SEMA3E: variants seen among roughly 807,000 people sequenced by gnomAD.
SEMA3E encodes semaphorin-3E.
A neutral mutation model predicts 93.6 loss-of-function variants in SEMA3E; 49 were observed. That is an observed-to-expected ratio of 0.52 (90% CI 0.42 to 0.66). The LOEUF is 0.66. Ranked by LOEUF, SEMA3E falls within the 30% of genes least tolerant of loss-of-function variation. The probability of loss-of-function intolerance (pLI) is 0.00; values close to 1 mark genes in which losing one functional copy is unlikely to be tolerated. For synonymous variants in SEMA3E, 363 were observed against 330.7 expected (o/e 1.10, Z -1.06); for missense variants, 906 against 964.8 (o/e 0.94, Z 0.81).
chr7:83,463,253 C>T (rs149346774), intron 4 of SEMA3E, among the ~76,000 whole-genome samples: 1 of 151,880 alleles, frequency 6.6e-6, no homozygotes, highest in Non-Finnish European at 1.5e-5. Flanking sequence ...ACCCTGTAGC[C>T]TTTATGTCCA....
chr7:83,520,973 A>G (rs1297345127), intron 1 of SEMA3E, among the ~76,000 whole-genome samples: 1 of 152,180 alleles, frequency 6.6e-6, no homozygotes, highest in African/African-American at 2.4e-5. Flanking sequence ...GGTGACTGAG[A>G]TGTCAGCCAC....
intron 1 of SEMA3E, among the ~76,000 whole-genome samples, chr7:83,535,436 C>G (rs1470807863): frequency 6.6e-6 from 1 of 150,526 alleles, no homozygotes; most frequent in Non-Finnish European, 1.5e-5. Flanking sequence ...TTCATTCATT[C>G]ACTAAGGAGA....
intron 2 of SEMA3E, among the ~76,000 whole-genome samples, chr7:83,479,648 A>G (rs899355809): frequency 2.0e-5 from 3 of 152,194 alleles, no homozygotes; most frequent in East Asian, 3.8e-4. Context: ...CACAAAAGCT[A>G]AGAGAAAGAT....
chr7:83,546,777 G>A lies in SEMA3E; in HGVS notation c.116-56503C>T, dbSNP rs1032841236. Among the ~76,000 whole-genome samples, 9 of 152,008 alleles carry A rather than the reference G, an allele frequency of 5.9e-5. 1 individual carries two copies. Among genetic ancestry groups the A allele is most frequent in the East Asian group, 3.9e-4 (2 of 5,192 alleles). On this transcript the variant is annotated intron_variant, in intron 1 of 16. Coordinates refer to ENST00000643230, the MANE Select transcript of SEMA3E (RefSeq NM_012431.3). ...ATTAATGATGAGTAACACAGTGCAC[G>A]TTCAAGTTATGAGTGTACGTATCTA...
At position 83,402,754 on chromosome 7, in the gene SEMA3E, T is replaced by C. The variant is rs769997546; in HGVS notation, c.1021A>G (p.Ile341Val). Residue 341 changes from isoleucine (I) to valine (V), a missense_variant, in exon 10 of 17, where the codon ATA (isoleucine) becomes GTA (valine). By Grantham distance (29) the Ile-to-Val change is conservative (BLOSUM62 3). Transcript: ENST00000643230. The part of the protein sequence containing the change: ...TTSNIFRGHA[I>V]CVYHMSSIRA... The stretch of plus-strand genomic sequence containing the variant: ...ATGCTAGACATGTGATAGACACATA[T>C]AGCATGCCCTCGAAAAATATTACTG... The C allele has an allele frequency of 3.7e-6, 6 of 1,612,520 alleles. No homozygotes were observed. Among genetic ancestry groups the C allele is most frequent in the Non-Finnish European group, 4.2e-6 (5 of 1,179,066 alleles).
chr7:83,636,283 A>G (rs1406917712), intron 1 of SEMA3E, among the ~76,000 whole-genome samples: 2 of 152,124 alleles, frequency 1.3e-5, no homozygotes, highest in Non-Finnish European at 2.9e-5. Context: ...AGTGCCTAAT[A>G]TGTTGCAAAA....
intron 1 of SEMA3E, among the ~76,000 whole-genome samples, chr7:83,616,992 T>C (rs982000611): frequency 2.6e-5 from 4 of 152,186 alleles, no homozygotes; most frequent in African/African-American, 9.6e-5. Context: ...CCCAAAGTGC[T>C]GGGATTACAG....
chr7:83,637,789 CTTTTTTT>C (rs202153375), intron 1 of SEMA3E, among the ~76,000 whole-genome samples: 1 of 128,984 alleles, frequency 7.8e-6, no homozygotes. Flanking sequence ...TCTGGCAGTT[CTTTTTTT>C]TTTTTTTTTT....
At chr7:83,463,577 C>A (rs1461112806) in intron 4 of SEMA3E, among the ~76,000 whole-genome samples, 1 of 152,102 alleles carries the variant, frequency 6.6e-6, no homozygotes, top group African/African-American at 2.4e-5. Flanking sequence ...CTCTGATCCA[C>A]CTGACATTCA....
chr7:83,364,374 T>G lies in SEMA3E; in HGVS notation c.*3212A>C, dbSNP rs910754470. On this transcript the variant is annotated 3_prime_UTR_variant, in exon 17 of 17. Coordinates refer to ENST00000643230, the MANE Select transcript of SEMA3E (RefSeq NM_012431.3). Reference sequence around the variant, plus strand: ...ATTACAAACATTCTAAGTATTTAACTAATTTTAGATAGAAAAAACTCTAAA... The same window carrying G: ...ATTACAAACATTCTAAGTATTTAACGAATTTTAGATAGAAAAAACTCTAAA... 1.3e-5 allele frequency: 2 copies of G among 152,214 alleles called. No individual in the cohort carries two copies. Among genetic ancestry groups the G allele is most frequent in the Non-Finnish European group, 2.9e-5 (2 of 68,036 alleles). The allele number at this position is 152,214 out of a possible 1,614,324, so 9.4% of individuals were successfully genotyped here.
In SEMA3E at chr7:83,402,712, C is replaced by T. The variant is rs1459797795; in HGVS notation, c.1063G>A (p.Gly355Arg). The T allele has an allele frequency of 3.7e-6, 6 of 1,612,720 alleles. No homozygotes were observed. Among genetic ancestry groups the T allele is most frequent in the African/African-American group, 2.7e-5 (2 of 74,826 alleles). The change falls in exon 10 of 17, where the codon GGA (glycine) becomes AGA (arginine). Residue 355 changes from glycine (G) to arginine (R), a missense_variant. Physicochemically the swap from Gly to Arg is moderately radical, Grantham distance 125 (BLOSUM62 -2). Coordinates refer to ENST00000643230, the MANE Select transcript of SEMA3E (RefSeq NM_012431.3). ...HMSSIRAAFN[G>R]PYAHKEGPEY... ...GGTCCTTCCTTATGTGCATATGGTC[C>T]GTTGAAGGCTGCCCGAATGCTAGAC...
intron 2 of SEMA3E, among the ~76,000 whole-genome samples, chr7:83,476,008 T>C (rs1790001408): frequency 6.6e-6 from 1 of 152,200 alleles, no homozygotes; most frequent in South Asian, 2.1e-4. Context: ...GTTCTTATTT[T>C]CTCTATCTAG....
intron 4 of SEMA3E, among the ~76,000 whole-genome samples, chr7:83,454,779 CGATGA>C (rs1483387543): frequency 1.3e-5 from 2 of 152,104 alleles, no homozygotes; most frequent in Non-Finnish European, 2.9e-5. Context: ...TCTCAGGGAT[CGATGA>C]GATAACGTGT....
Position 83,367,522 on chromosome 7 carries a change from AT to A in SEMA3E, c.*63del. On this transcript the variant is annotated 3_prime_UTR_variant, in exon 17 of 17. Coordinates refer to ENST00000643230, the MANE Select transcript of SEMA3E (RefSeq NM_012431.3). ...GTAATGCAAAGAAGTTGGATGATTT[AT>A]TTTTTTACTTTTTTACTTTCCAAAT... 3 of 1,535,118 alleles carry A rather than the reference AT, an allele frequency of 2.0e-6. No homozygotes were observed. The highest frequency in any genetic ancestry group is 1.7e-5 in the Admixed American group (1 of 59,822).
intron 1 of SEMA3E, chr7:83,641,301 C>T (rs1252996047): frequency 1.3e-6 from 1 of 763,162 alleles, no homozygotes; most frequent in Non-Finnish European, 1.6e-6. Flanking sequence ...TACTAAGTGT[C>T]AGGAACTGTG....
chr7:83,486,497 G>T (rs1302498130), intron 2 of SEMA3E, among the ~76,000 whole-genome samples: 2 of 152,110 alleles, frequency 1.3e-5, no homozygotes, highest in Non-Finnish European at 2.9e-5. Context: ...GGGCCCCAAA[G>T]CAGACATATT....
chr7:83,481,522 C>A (rs1293466195), intron 2 of SEMA3E, among the ~76,000 whole-genome samples: 1 of 152,014 alleles, frequency 6.6e-6, no homozygotes, highest in Non-Finnish European at 1.5e-5. Context: ...AAACTATTCT[C>A]TTTGAGGAGG....
chr7:83,546,356 GT>G, intron 1 of SEMA3E, among the ~76,000 whole-genome samples: 2 of 134,174 alleles, frequency 1.5e-5, no homozygotes, highest in South Asian at 2.3e-4. Flanking sequence ...GTGTGTGTGT[GT>G]GTGTGTGTTG....
intron 1 of SEMA3E, among the ~76,000 whole-genome samples, chr7:83,557,846 C>T (rs924052400): frequency 6.6e-6 from 1 of 152,112 alleles, no homozygotes; most frequent in African/African-American, 2.4e-5. Flanking sequence ...AGGAAGCAAA[C>T]TTCAGTTTTA....
Sources: gnomAD v4.1 joint callset for allele counts (sites outside exome capture counted in the v4.1 genomes callset) on GRCh38, gnomAD v4.1.1 for gene constraint, MANE v1.5 for transcripts, NCBI Gene and HGNC (gene_info 2026-07-23, HGNC 2026-07-21) for gene names.